PTPRG: variants seen among roughly 807,000 people sequenced by gnomAD.
The protein encoded by PTPRG is receptor-type tyrosine-protein phosphatase gamma.
In PTPRG, 102 loss-of-function variants were observed where a neutral mutation model predicts 165.3. The observed-to-expected ratio is 0.62, with a 90% CI of 0.53 to 0.73. The LOEUF (loss-of-function observed/expected upper bound fraction) is 0.73. Among genes scored for constraint, PTPRG ranks in the 30% least tolerant of loss-of-function variants. PTPRG has a pLI of 0.00. For missense variants in PTPRG, 1,866 were observed against 1,861.4 expected, an observed-to-expected ratio of 1.00 and a Z score of -0.05; for synonymous variants, 675 against 669.5, an observed-to-expected ratio of 1.01 and a Z score of -0.13.
intron 2 of PTPRG, among the ~76,000 whole-genome samples, chr3:61,788,395 A>G (rs1320184051): frequency 6.6e-6 from 1 of 152,240 alleles, no homozygotes; most frequent in Non-Finnish European, 1.5e-5. Context: ...TACAAGATCT[A>G]CTAGCACGTA....
At chr3:61,914,314 G>T (rs1045215728) in intron 2 of PTPRG, among the ~76,000 whole-genome samples, 3 of 152,142 alleles carry the variant, frequency 2.0e-5, no homozygotes, top group Non-Finnish European at 4.4e-5. Flanking sequence ...TCTTGGAGCT[G>T]GGTCTTCTAC....
chr3:61,856,502 T>C (rs596904), intron 2 of PTPRG, among the ~76,000 whole-genome samples: 64,702 of 152,092 alleles, frequency 0.43, 14,873 homozygotes, highest in East Asian at 0.62. Flanking sequence ...TGATTTGCCA[T>C]CTCAACCTTG....
chr3:61,834,207 T>C (rs1575704381), intron 2 of PTPRG, among the ~76,000 whole-genome samples: 1 of 152,218 alleles, frequency 6.6e-6, no homozygotes, highest in Non-Finnish European at 1.5e-5. Flanking sequence ...ACAAAAAGTC[T>C]CTTGTGGTTG....
chr3:61,681,938 T>C (rs775497650), intron 1 of PTPRG, among the ~76,000 whole-genome samples: 22 of 151,924 alleles, frequency 1.4e-4, no homozygotes, highest in Non-Finnish European at 2.9e-4. Flanking sequence ...TCACTTAAGG[T>C]CAAGAGATCG....
At chr3:62,147,590 AATG>A (rs1704168618) in intron 6 of PTPRG, among the ~76,000 whole-genome samples, 1 of 152,226 alleles carries the variant, frequency 6.6e-6, no homozygotes, top group Admixed American at 6.5e-5. Flanking sequence ...GTATTGGAAT[AATG>A]ATGCATCTCA....
intron 1 of PTPRG, among the ~76,000 whole-genome samples, chr3:61,690,209 G>C (rs544286489): frequency 6.6e-6 from 1 of 152,312 alleles, no homozygotes; most frequent in South Asian, 2.1e-4. Context: ...AGATGGCCTG[G>C]AATGCAGTTT....
At position 62,123,187 on chromosome 3, in the gene PTPRG, T is replaced by C. The variant is rs146323493; in HGVS notation, c.616-9415T>C. On this transcript the variant is annotated intron_variant, in intron 5 of 29. Transcript: ENST00000474889. Reference sequence around the variant, plus strand: ...CTCATCCGAAAGTTCAACTGGGGAATGATTCACTTCTAATTTTACTTAGAT... The same window carrying C: ...CTCATCCGAAAGTTCAACTGGGGAACGATTCACTTCTAATTTTACTTAGAT... 6.9e-3 allele frequency among the ~76,000 whole-genome samples: 1,050 copies of C among 152,314 alleles called. 6 individuals carry two copies. The highest frequency in any genetic ancestry group is 0.011 in the Non-Finnish European group (742 of 68,026).
chr3:61,909,042 G>T (rs935115862), intron 2 of PTPRG, among the ~76,000 whole-genome samples: 4 of 152,182 alleles, frequency 2.6e-5, no homozygotes, highest in African/African-American at 4.8e-5. Context: ...ATGAAATGGG[G>T]TTTTTCTACC....
chr3:62,171,908 G>GGGC (rs1184757649), intron 8 of PTPRG, among the ~76,000 whole-genome samples: 1 of 152,072 alleles, frequency 6.6e-6, no homozygotes, highest in Non-Finnish European at 1.5e-5. Context: ...CGTCTGCCCT[G>GGGC]TATGTCCCTC....
At chr3:62,160,619 C>T (rs909313717) in intron 7 of PTPRG, among the ~76,000 whole-genome samples, 4 of 152,260 alleles carry the variant, frequency 2.6e-5, no homozygotes, top group Admixed American at 6.5e-5. Flanking sequence ...AGATGATTAG[C>T]TTTCAGTCCA....
At chr3:61,992,780 C>T (rs565355233) in intron 3 of PTPRG, among the ~76,000 whole-genome samples, 54 of 152,280 alleles carry the variant, frequency 3.5e-4, no homozygotes, top group Non-Finnish European at 6.3e-4. Context: ...TCTCAGCCTC[C>T]CAAAGTGCTG....
At chr3:61,635,087 T>C (rs1342546394) in intron 1 of PTPRG, among the ~76,000 whole-genome samples, 2 of 152,160 alleles carry the variant, frequency 1.3e-5, no homozygotes, top group East Asian at 1.9e-4. Flanking sequence ...AATTCACATA[T>C]GGACTTCCTG....
At chr3:62,056,751 T>A (rs1181943565) in intron 4 of PTPRG, among the ~76,000 whole-genome samples, 2 of 152,122 alleles carry the variant, frequency 1.3e-5, no homozygotes, top group Non-Finnish European at 2.9e-5. Flanking sequence ...AACCACTGGT[T>A]TAGAAAGAGA....
rs746918640 is a variant in PTPRG, at chr3:62,203,499, G to C, written c.1704G>C (p.Ser568=). The C allele has an allele frequency of 2.6e-6, 4 of 1,565,762 alleles. No homozygotes were observed. In the African/African-American group the frequency reaches 4.1e-5, roughly 16 times the overall value. Residue 568 remains serine, a synonymous_variant, in exon 12 of 30, where the codon TCG becomes TCC. Coordinates refer to ENST00000474889, the MANE Select transcript of PTPRG (RefSeq NM_002841.4). The surrounding 1 kb of genome is among the most constrained non-coding windows in gnomAD (Gnocchi z 6.4). ...ALASPGPDGD[S]SPTKDGEGTE... is the part of the protein sequence containing the mutation. ...CTTCTCCAGGGCCCGATGGTGATTC[G>C]TCACCAACCAAGGACGGCGAGGGCA...
At chr3:61,934,861 G>A (rs948950914) in intron 2 of PTPRG, among the ~76,000 whole-genome samples, 3 of 152,166 alleles carry the variant, frequency 2.0e-5, no homozygotes, top group Non-Finnish European at 2.9e-5. Context: ...GAGCTTATTT[G>A]TCCTGTTGTG....
At position 62,082,575 on chromosome 3, in the gene PTPRG, A is replaced by G. The variant is rs1407781533; in HGVS notation, c.615+4317A>G. On this transcript the variant is annotated intron_variant, in intron 5 of 29. Transcript: ENST00000474889. ...TACTTTGGAGGGAGTGTGTGTTCCCATTGCAACAAAATCATCAAGCAGTCT... is the reference window on the plus strand; with the variant it reads ...TACTTTGGAGGGAGTGTGTGTTCCCGTTGCAACAAAATCATCAAGCAGTCT... 1.3e-5 allele frequency among the ~76,000 whole-genome samples: 2 copies of G among 152,216 alleles called. 1 individual carries two copies. Among genetic ancestry groups the G allele is most frequent in the Non-Finnish European group, 2.9e-5 (2 of 68,042 alleles).
chr3:61,826,487 C>G (rs1559634030), intron 2 of PTPRG, among the ~76,000 whole-genome samples: 1 of 151,698 alleles, frequency 6.6e-6, no homozygotes, highest in Non-Finnish European at 1.5e-5. Context: ...ATCTTGGAGT[C>G]ACCCAGTCCT....
chr3:62,255,300 C>T lies in PTPRG; in HGVS notation c.2559+85C>T. On this transcript the variant is annotated intron_variant, in intron 16 of 29. Transcript: ENST00000474889. The surrounding 1 kb of genome is among the most constrained non-coding windows in gnomAD (Gnocchi z 4.0). Reference sequence around the variant, plus strand: ...TTGTAAACTTGAACTGAATTCATTCCAAGCATAACAAAACAGTAACTACGG... The same window carrying T: ...TTGTAAACTTGAACTGAATTCATTCTAAGCATAACAAAACAGTAACTACGG... 4.0e-6 allele frequency: 4 copies of T among 1,006,506 alleles called. No homozygotes were observed. Among genetic ancestry groups the T allele is most frequent in the Non-Finnish European group, 6.0e-6 (4 of 664,638 alleles). 62.3% of individuals were successfully genotyped at this position (1,006,506 alleles called of 1,614,324 possible).
Position 61,562,194 on chromosome 3 carries a change from A to C in PTPRG, c.-94A>C. ...GCCCGTGGAGCGGGCGAGCCGGGGA[A>C]GCGCCCCGGCTTAGCGGAGGCTCGC... On this transcript the variant is annotated 5_prime_UTR_variant, in exon 1 of 30. Coordinates refer to ENST00000474889, the MANE Select transcript of PTPRG (RefSeq NM_002841.4). 3.5e-6 allele frequency: 4 copies of C among 1,135,520 alleles called. No individual in the cohort carries two copies. Among genetic ancestry groups the C allele is most frequent in the Middle Eastern group, 2.6e-4 (1 of 3,854 alleles). The allele number at this position is 1,135,520 out of a possible 1,614,324, so 70.3% of individuals were successfully genotyped here.
Sources: gnomAD v4.1 joint callset for allele counts (sites outside exome capture counted in the v4.1 genomes callset) on GRCh38, gnomAD v4.1.1 for gene constraint, Gnocchi (gnomAD v3.1) non-coding constraint, MANE v1.5 for transcripts, NCBI Gene and HGNC (gene_info 2026-07-23, HGNC 2026-07-21) for gene names.